Variants in PPP1R9A observed in about 807,000 individuals in gnomAD.
The protein encoded by PPP1R9A is protein phosphatase 1 regulatory subunit 9A.
PPP1R9A carries 59 observed loss-of-function variants against 141.9 expected under a neutral mutation model. That is an observed-to-expected ratio of 0.42 (90% CI 0.34 to 0.52). The LOEUF (loss-of-function observed/expected upper bound fraction) is 0.52. Among genes scored for constraint, PPP1R9A ranks in the 20% least tolerant of loss-of-function variants. PPP1R9A has a pLI of 0.10. For missense variants in PPP1R9A, 1,444 were observed against 1,611.9 expected, an observed-to-expected ratio of 0.90 and a Z score of 1.78; for synonymous variants, 500 against 569.7, an observed-to-expected ratio of 0.88 and a Z score of 1.74.
At chr7:94,956,264 C>T (rs1797060509) in intron 2 of PPP1R9A, among the ~76,000 whole-genome samples, 1 of 152,052 alleles carries the variant, frequency 6.6e-6, no homozygotes, top group East Asian at 1.9e-4. Flanking sequence ...TAAGAACCTT[C>T]TTTTTATTGT....
At chr7:94,975,740 A>G (rs964280514) in intron 2 of PPP1R9A, among the ~76,000 whole-genome samples, 1 of 152,170 alleles carries the variant, frequency 6.6e-6, no homozygotes, top group Non-Finnish European at 1.5e-5. Context: ...CTGTGGGAAA[A>G]TATATCCCAA....
chr7:95,239,739 A>C (rs1322371254), intron 8 of PPP1R9A, among the ~76,000 whole-genome samples: 3 of 151,828 alleles, frequency 2.0e-5, no homozygotes, highest in Non-Finnish European at 4.4e-5. Context: ...AAGTTTTTGA[A>C]AAGTGTTTAA....
At chr7:95,172,559 T>TA (rs1832283338) in intron 5 of PPP1R9A, among the ~76,000 whole-genome samples, 1 of 151,768 alleles carries the variant, frequency 6.6e-6, no homozygotes, top group South Asian at 2.1e-4. Context: ...ATTAAATACT[T>TA]AAAGGTAAAT....
At chr7:95,252,895 G>T (rs1799090059) in intron 12 of PPP1R9A, among the ~76,000 whole-genome samples, 1 of 152,156 alleles carries the variant, frequency 6.6e-6, no homozygotes, top group South Asian at 2.1e-4. Flanking sequence ...TTTTACCATG[G>T]TGTACTGTGT....
chr7:95,067,359 C>T (rs1235937764), intron 2 of PPP1R9A, among the ~76,000 whole-genome samples: 1 of 152,126 alleles, frequency 6.6e-6, no homozygotes, highest in Admixed American at 6.5e-5. Flanking sequence ...AGTCAGAAGA[C>T]TCCAGGACAG....
At chr7:94,976,342 TTC>T (rs1477630581) in intron 2 of PPP1R9A, among the ~76,000 whole-genome samples, 2 of 110,916 alleles carry the variant, frequency 1.8e-5, no homozygotes, top group East Asian at 2.1e-4. Flanking sequence ...ACATGTTTTA[TTC>T]TTTTTTTTTT....
In PPP1R9A at chr7:95,290,892, C is replaced by T. The variant is rs1405748099; in HGVS notation, c.*589C>T. The stretch of plus-strand genomic sequence containing the variant: ...TGTAGTTACCTACTAAGGGAAAAGG[C>T]AAGCAAGTCATTCTGCTTGCTAGGC... On this transcript the variant is annotated 3_prime_UTR_variant, in exon 20 of 20. Coordinates refer to ENST00000433360, the MANE Select transcript of PPP1R9A (RefSeq NM_001166160.2). 1.3e-5 allele frequency: 2 copies of T among 152,194 alleles called. No homozygotes were observed. Among genetic ancestry groups the T allele is most frequent in the Non-Finnish European group, 2.9e-5 (2 of 68,102 alleles). The allele number at this position is 152,194 out of a possible 1,614,324, so 9.4% of individuals were successfully genotyped here.
chr7:95,086,638 A>C (rs752654139), intron 2 of PPP1R9A, among the ~76,000 whole-genome samples: 1 of 151,926 alleles, frequency 6.6e-6, no homozygotes, highest in Non-Finnish European at 1.5e-5. Flanking sequence ...CTTAAAACCT[A>C]CTCCTAGTTT....
chr7:95,217,756 G>A (rs572699128), intron 7 of PPP1R9A, among the ~76,000 whole-genome samples: 53 of 152,210 alleles, frequency 3.5e-4, no homozygotes, highest in Non-Finnish European at 5.9e-4. Flanking sequence ...GTTTATTTGC[G>A]TAGATGTGTT....
chr7:95,274,124 GAAAGAA>G lies in PPP1R9A; in HGVS notation c.3265_3270del (p.Lys1089_Glu1090del), dbSNP rs768824298. The G allele has an allele frequency of 7.6e-6, 12 of 1,583,260 alleles. No individual in the cohort carries two copies. In the African/African-American group the frequency reaches 1.2e-4, roughly 16 times the overall value. ...GGAATTCCAGCAAGGGAAAGAAGTG[GAAAGAA>G]AAAGAAAAAGAAGCCAGTAGGTTTT... On this transcript the variant is annotated inframe_deletion, in exon 16 of 20. Transcript: ENST00000433360.
chr7:95,062,752 T>C (rs530302429), intron 2 of PPP1R9A, among the ~76,000 whole-genome samples: 14 of 152,222 alleles, frequency 9.2e-5, no homozygotes, highest in South Asian at 4.1e-4. Context: ...ACTATACTTT[T>C]TCTTTACCCT....
intron 2 of PPP1R9A, among the ~76,000 whole-genome samples, chr7:95,082,227 T>G (rs1336372086): frequency 6.6e-6 from 1 of 152,142 alleles, no homozygotes; most frequent in Non-Finnish European, 1.5e-5. Flanking sequence ...ACCAAAAAAC[T>G]TAATAGGAGA....
intron 2 of PPP1R9A, among the ~76,000 whole-genome samples, chr7:95,023,123 T>C (rs1319434270): frequency 6.6e-6 from 1 of 152,178 alleles, no homozygotes; most frequent in African/African-American, 2.4e-5. Context: ...TTTTTTTGGT[T>C]GGTAGGCTGT....
chr7:95,063,758 CAGG>C (rs1487773641), intron 2 of PPP1R9A, among the ~76,000 whole-genome samples: 1 of 152,114 alleles, frequency 6.6e-6, no homozygotes, highest in Admixed American at 6.6e-5. Context: ...TGATTCTCAT[CAGG>C]AGAGTTGCGG....
rs914520289 is a variant in PPP1R9A at position 95,226,119 on chromosome 7, A to G, written c.2112+3A>G. 6.2e-7 allele frequency: 1 copy of G among 1,610,850 alleles called. No individual in the cohort carries two copies. The highest frequency in any genetic ancestry group is 8.5e-7 in the Non-Finnish European group (1 of 1,177,552). On this transcript the variant is annotated splice_donor_region_variant and intron_variant, in intron 8 of 19. Transcript: ENST00000433360. Reference sequence around the variant, plus strand: ...AGCTCAGTCACAAGTTCAAAGAGGTATGCCACTAAGCTGCAAAATATTTCT... The same window carrying G: ...AGCTCAGTCACAAGTTCAAAGAGGTGTGCCACTAAGCTGCAAAATATTTCT...
At chr7:95,247,611 G>C in intron 9 of PPP1R9A, 85 bp downstream of exon 9, 1 of 1,161,010 alleles carries the variant, frequency 8.6e-7, no homozygotes, top group Non-Finnish European at 1.2e-6. Flanking sequence ...TAAAGGTTTT[G>C]TCCCTGTATA....
intron 16 of PPP1R9A, among the ~76,000 whole-genome samples, chr7:95,279,095 G>T (rs764582402): frequency 2.0e-5 from 3 of 152,170 alleles, no homozygotes; most frequent in Non-Finnish European, 2.9e-5. Flanking sequence ...TATTTTGCTG[G>T]CAGTCTTGTT....
In PPP1R9A at chr7:95,220,464, C is replaced by A. The variant is rs140933193; in HGVS notation, c.1957-5497C>A. 1.3e-4 allele frequency among the ~76,000 whole-genome samples: 20 copies of A among 152,152 alleles called. No individual in the cohort carries two copies. In the East Asian group the frequency reaches 3.7e-3, roughly 28 times the overall value. Reference sequence around the variant, plus strand: ...CAAAAATTACTGCTAATGGTTGAACCTAACAACAAGAGAAAATCCCCAGAA... The same window carrying A: ...CAAAAATTACTGCTAATGGTTGAACATAACAACAAGAGAAAATCCCCAGAA... On this transcript the variant is annotated intron_variant, in intron 7 of 19. Transcript: ENST00000433360.
chr7:95,292,501 TGTAA>T lies in PPP1R9A; in HGVS notation c.*2201_*2204del, dbSNP rs775711162. ...AATGGATGTATATACTGGAAATGTCTGTAAGTGTCTTGTTTTTGCACCTAATTTA... is the reference window on the plus strand; with the variant it reads ...AATGGATGTATATACTGGAAATGTCTGTGTCTTGTTTTTGCACCTAATTTA... On this transcript the variant is annotated 3_prime_UTR_variant, in exon 20 of 20. Transcript: ENST00000433360. 14 of 152,748 alleles carry T rather than the reference TGTAA, an allele frequency of 9.2e-5. No individual in the cohort carries two copies. The highest frequency in any genetic ancestry group is 1.8e-4 in the Non-Finnish European group (12 of 68,022). The allele number at this position is 152,748 out of a possible 1,614,324, so 9.5% of individuals were successfully genotyped here.
Sources: allele counts gnomAD v4.1 joint callset (sites outside exome capture counted in the v4.1 genomes callset), GRCh38; gene constraint gnomAD v4.1.1; transcripts MANE v1.5; gene names NCBI Gene and HGNC (gene_info 2026-07-23, HGNC 2026-07-21).